Variants in SND1 observed in about 807,000 individuals in gnomAD.
The protein encoded by SND1 is staphylococcal nuclease and tudor domain containing 1.
Under a neutral mutation model 121.7 loss-of-function variants are expected in SND1, and 38 were observed. That is an observed-to-expected ratio of 0.31 (90% CI 0.24 to 0.41). SND1 has a LOEUF of 0.41. SND1 is among the 10% of genes least tolerant of loss of function. The pLI, the probability that SND1 is intolerant of heterozygous loss-of-function variation, is 1.00. For missense variants in SND1, 868 were observed against 1,184.6 expected (o/e 0.73, Z 3.92); for synonymous variants, 401 against 447.4 (o/e 0.90, Z 1.31).
chr7:128,020,372 G>A (rs1803319063), intron 16 of SND1, among the ~76,000 whole-genome samples: 1 of 152,244 alleles, frequency 6.6e-6, no homozygotes, highest in East Asian at 1.9e-4. Flanking sequence ...GCCCCCTGGA[G>A]TTGTAAGTCA....
At chr7:127,682,155 A>G (rs1055965262) in intron 1 of SND1, among the ~76,000 whole-genome samples, 4 of 152,200 alleles carry the variant, frequency 2.6e-5, no homozygotes, top group South Asian at 2.1e-4. Context: ...CAAGTCATTT[A>G]TCAGAATCTA....
intron 11 of SND1, among the ~76,000 whole-genome samples, chr7:127,818,296 G>C (rs1223725599): frequency 6.6e-6 from 1 of 152,152 alleles, no homozygotes; most frequent in East Asian, 1.9e-4. Flanking sequence ...CTAGTGTGAA[G>C]TCTTCATGAG....
At chr7:127,685,428 G>A (rs926949637) in intron 1 of SND1, among the ~76,000 whole-genome samples, 4 of 152,294 alleles carry the variant, frequency 2.6e-5, no homozygotes, top group Admixed American at 6.5e-5. Flanking sequence ...TTTATGAAGC[G>A]TGGAATTGAG....
intron 10 of SND1, among the ~76,000 whole-genome samples, chr7:127,752,395 T>C (rs1797112054): frequency 6.6e-6 from 1 of 152,222 alleles, no homozygotes; most frequent in Non-Finnish European, 1.5e-5. Flanking sequence ...GTGTGCCAGC[T>C]ATTGGAAATA....
intron 15 of SND1, among the ~76,000 whole-genome samples, chr7:127,959,252 G>A (rs1451603550): frequency 1.3e-5 from 2 of 152,192 alleles, no homozygotes; most frequent in African/African-American, 4.8e-5. Context: ...TCTGCAGTGT[G>A]CTAGCCAGAT....
At chr7:127,763,009 C>T (rs2116480139) in intron 10 of SND1, among the ~76,000 whole-genome samples, 1 of 152,214 alleles carries the variant, frequency 6.6e-6, no homozygotes, top group Admixed American at 6.5e-5. Context: ...AGCTTTGTGC[C>T]TAAAGATGTT....
intron 16 of SND1, among the ~76,000 whole-genome samples, chr7:128,046,027 G>A (rs1019542061): frequency 1.6e-4 from 25 of 152,332 alleles, no homozygotes; most frequent in African/African-American, 5.5e-4. Context: ...AACCAGGAAA[G>A]GGAACTCTTT....
intron 15 of SND1, among the ~76,000 whole-genome samples, chr7:127,945,923 T>C (rs1055945109): frequency 6.6e-6 from 1 of 152,216 alleles, no homozygotes; most frequent in Non-Finnish European, 1.5e-5. Context: ...AGAGCATATT[T>C]TCTTGATCTC....
At chr7:127,875,385 G>A (rs1280931347) in intron 12 of SND1, among the ~76,000 whole-genome samples, 2 of 152,182 alleles carry the variant, frequency 1.3e-5, no homozygotes, top group Non-Finnish European at 2.9e-5. Flanking sequence ...GATGAGTGGT[G>A]CAGCTACAGG....
chr7:127,779,606 C>T (rs887085390), intron 10 of SND1, among the ~76,000 whole-genome samples: 5 of 152,086 alleles, frequency 3.3e-5, no homozygotes, highest in East Asian at 1.9e-4. Context: ...TGTGTAGAGA[C>T]GTTTCTAATA....
chr7:127,782,122 C>T (rs1797734883), intron 10 of SND1, among the ~76,000 whole-genome samples: 1 of 152,314 alleles, frequency 6.6e-6, no homozygotes, highest in African/African-American at 2.4e-5. Flanking sequence ...AGTAACTATT[C>T]TTAGTCCAGT....
At chr7:128,080,894 G>A (rs553755336) in intron 17 of SND1, among the ~76,000 whole-genome samples, 6 of 152,044 alleles carry the variant, frequency 3.9e-5, no homozygotes, top group South Asian at 2.1e-4. Flanking sequence ...TTTCCCCTCC[G>A]AGATAGAGGG....
intron 12 of SND1, among the ~76,000 whole-genome samples, chr7:127,847,091 A>G (rs1265844355): frequency 1.3e-5 from 2 of 152,100 alleles, no homozygotes; most frequent in Non-Finnish European, 2.9e-5. Flanking sequence ...AACATGGTGA[A>G]ACCTCGTCTC....
intron 2 of SND1, among the ~76,000 whole-genome samples, chr7:127,694,518 ACAAAGTAAG>A (rs1795974750): frequency 6.6e-6 from 1 of 152,186 alleles, no homozygotes; most frequent in Non-Finnish European, 1.5e-5. Flanking sequence ...AATGTTATTC[ACAAAGTAAG>A]CTATAACTCT....
chr7:127,873,862 G>T (rs1413605960), intron 12 of SND1, among the ~76,000 whole-genome samples: 1 of 152,110 alleles, frequency 6.6e-6, no homozygotes. Context: ...GTACTGTTAA[G>T]ATCCTTCTGG....
intron 10 of SND1, among the ~76,000 whole-genome samples, chr7:127,758,695 A>C (rs530722110): frequency 3.9e-5 from 6 of 152,300 alleles, no homozygotes; most frequent in African/African-American, 1.4e-4. Flanking sequence ...TATGTAATCC[A>C]TTTTGATTTA....
At chr7:128,082,230 G>T (rs552349031) in intron 18 of SND1, among the ~76,000 whole-genome samples, 2 of 152,344 alleles carry the variant, frequency 1.3e-5, no homozygotes, top group Admixed American at 1.3e-4. Flanking sequence ...GCCACCCTGT[G>T]CAGGGAAACA....
intron 9 of SND1, among the ~76,000 whole-genome samples, chr7:127,708,610 G>A (rs1448420975): frequency 6.6e-6 from 1 of 151,964 alleles, no homozygotes; most frequent in African/African-American, 2.4e-5. Flanking sequence ...ACCGCCCCGA[G>A]AGTTTTCCAT....
intron 2 of SND1, among the ~76,000 whole-genome samples, chr7:127,693,776 C>T (rs1292414848): frequency 6.6e-6 from 1 of 152,170 alleles, no homozygotes; most frequent in Non-Finnish European, 1.5e-5. Flanking sequence ...TAATCATACG[C>T]TCCTTGAACA....
Sources: gnomAD v4.1 joint callset for allele counts (sites outside exome capture counted in the v4.1 genomes callset) on GRCh38, gnomAD v4.1.1 for gene constraint, MANE v1.5 for transcripts, NCBI Gene and HGNC (gene_info 2026-07-23, HGNC 2026-07-21) for gene names.